The following APP variants were observed in gnomAD, a reference collection of about 807,000 sequenced individuals.
APP encodes amyloid beta precursor protein.
Under a neutral mutation model 101.4 loss-of-function variants are expected in APP, and 31 were observed. That is an observed-to-expected ratio of 0.31 (90% confidence interval 0.23 to 0.41). The LOEUF (loss-of-function observed/expected upper bound fraction) is 0.41. Ranked by LOEUF, APP falls within the 10% of genes least tolerant of loss-of-function variation. The pLI is 1.00. For missense variants in APP, 839 were observed against 1,003.7 expected (o/e 0.84, Z 2.22); for synonymous variants, 366 against 364.4 (o/e 1.00, Z -0.05).
intron 1 of APP, among the ~76,000 whole-genome samples, chr21:26,122,466 G>C (rs1387161615): frequency 6.6e-6 from 1 of 152,204 alleles, no homozygotes; most frequent in Non-Finnish European, 1.5e-5. Context: ...CGGGGGATAA[G>C]GAGAGTGAGT....
intron 13 of APP, among the ~76,000 whole-genome samples, chr21:25,950,689 T>A (rs11087984): frequency 0.038 from 5,783 of 152,126 alleles, 297 homozygotes; most frequent in East Asian, 0.2. Flanking sequence ...CTTGCATAGT[T>A]CCGAAAAGGA....
intron 5 of APP, among the ~76,000 whole-genome samples, chr21:26,034,764 A>T (rs2045022278): frequency 6.6e-6 from 1 of 152,214 alleles, no homozygotes; most frequent in South Asian, 2.1e-4. Flanking sequence ...TGTGTATGAA[A>T]AGCCATTCAC....
intron 2 of APP, among the ~76,000 whole-genome samples, chr21:26,097,798 A>T (rs567097404): frequency 6.6e-6 from 1 of 152,240 alleles, no homozygotes; most frequent in Non-Finnish European, 1.5e-5. Flanking sequence ...AAGAGTGCAT[A>T]GGCCGGGCGC....
At chr21:25,939,722 T>C (rs142221922) in intron 13 of APP, among the ~76,000 whole-genome samples, 1 of 152,346 alleles carries the variant, frequency 6.6e-6, no homozygotes, top group African/African-American at 2.4e-5. Flanking sequence ...ACTGTTCAGG[T>C]TGATTCTTAG....
chr21:26,116,635 G>A (rs1486755967), intron 1 of APP, among the ~76,000 whole-genome samples: 1 of 152,170 alleles, frequency 6.6e-6, no homozygotes, highest in East Asian at 1.9e-4. Flanking sequence ...TCAACTAGGA[G>A]GGAAAAGTGA....
chr21:25,960,164 A>G (rs561930298), intron 11 of APP, among the ~76,000 whole-genome samples: 1 of 150,586 alleles, frequency 6.6e-6, no homozygotes, highest in Admixed American at 6.7e-5. Flanking sequence ...TCTACGTGTA[A>G]GTGTGCATTC....
intron 1 of APP, among the ~76,000 whole-genome samples, chr21:26,161,425 A>T (rs1301307614): frequency 6.6e-6 from 1 of 151,832 alleles, no homozygotes; most frequent in Non-Finnish European, 1.5e-5. Context: ...ACCCAACTTA[A>T]TTTTTTCCAA....
At chr21:26,007,284 T>C (rs930322217) in intron 6 of APP, among the ~76,000 whole-genome samples, 9 of 150,392 alleles carry the variant, frequency 6.0e-5, no homozygotes, top group African/African-American at 1.9e-4. Context: ...TGGAATAAAA[T>C]GAAAACGACA....
At chr21:25,903,177 G>C (rs778960689) in intron 15 of APP, among the ~76,000 whole-genome samples, 12 of 151,844 alleles carry the variant, frequency 7.9e-5, no homozygotes, top group Admixed American at 2.6e-4. Context: ...GACCAGCCTG[G>C]CCAACATGGT....
At chr21:25,992,332 G>A (rs1409442313) in intron 8 of APP, among the ~76,000 whole-genome samples, 1 of 151,214 alleles carries the variant, frequency 6.6e-6, no homozygotes, top group African/African-American at 2.4e-5. Context: ...AGGTTGCAGT[G>A]AGCCGAGATC....
At chr21:26,141,377 A>G (rs112481787) in intron 1 of APP, among the ~76,000 whole-genome samples, 1 of 152,216 alleles carries the variant, frequency 6.6e-6, no homozygotes, top group African/African-American at 2.4e-5. Context: ...TATGACAGAA[A>G]AGAAAGCAAC....
chr21:26,003,291 A>G (rs546889738), intron 6 of APP, among the ~76,000 whole-genome samples: 1 of 152,386 alleles, frequency 6.6e-6, no homozygotes, highest in South Asian at 2.1e-4. Context: ...CTCTTGCTGG[A>G]GTCTCCAGCT....
chr21:25,972,958 A>T (rs1335942388), intron 11 of APP, among the ~76,000 whole-genome samples: 2 of 152,162 alleles, frequency 1.3e-5, no homozygotes, highest in Non-Finnish European at 2.9e-5. Flanking sequence ...CTGTCTGTGG[A>T]GTGGTATAAT....
chr21:26,063,219 T>C (rs532098320), intron 3 of APP, among the ~76,000 whole-genome samples: 81 of 152,336 alleles, frequency 5.3e-4, no homozygotes, highest in African/African-American at 1.7e-3. Context: ...CGGATGAACT[T>C]GTATTTAGCT....
At chr21:25,897,237 C>A (rs922145121) in intron 16 of APP, among the ~76,000 whole-genome samples, 1 of 152,102 alleles carries the variant, frequency 6.6e-6, no homozygotes, top group Non-Finnish European at 1.5e-5. Context: ...GTCAGCCTCC[C>A]CAGCAGCTGG....
At chr21:25,955,519 GA>G in intron 12 of APP, 107 bp downstream of exon 12, 1 of 1,523,560 alleles carries the variant, frequency 6.6e-7, no homozygotes, top group Non-Finnish European at 9.0e-7. Flanking sequence ...TTGCCATAGG[GA>G]AAACACCTAT....
chr21:26,035,116 T>G (rs115065721), intron 5 of APP, among the ~76,000 whole-genome samples: 3,236 of 151,728 alleles, frequency 0.021, 104 homozygotes, highest in African/African-American at 0.075. Context: ...TGAGATCTTG[T>G]CTCCACTAAA....
chr21:25,973,018 AT>A (rs1295514870), intron 11 of APP, among the ~76,000 whole-genome samples: 1 of 152,216 alleles, frequency 6.6e-6, no homozygotes, highest in Non-Finnish European at 1.5e-5. Flanking sequence ...AATGTTTTCT[AT>A]AAGCCTAAAG....
At chr21:26,078,771 T>C (rs1003098882) in intron 3 of APP, among the ~76,000 whole-genome samples, 1 of 151,900 alleles carries the variant, frequency 6.6e-6, no homozygotes, top group Non-Finnish European at 1.5e-5. Flanking sequence ...CTCGGCAGGG[T>C]GTGGTGGCTC....
Sources: gnomAD v4.1 joint callset for allele counts (sites outside exome capture counted in the v4.1 genomes callset) on GRCh38, gnomAD v4.1.1 for gene constraint, MANE v1.5 for transcripts, NCBI Gene and HGNC (gene_info 2026-07-23, HGNC 2026-07-21) for gene names.